The following ROBO2 variants were observed in gnomAD, a reference collection of about 807,000 sequenced individuals.
ROBO2 encodes roundabout guidance receptor 2.
ROBO2 carries 53 observed loss-of-function variants against 160.8 expected under a neutral mutation model. The observed-to-expected ratio is 0.33, with a 90% CI of 0.26 to 0.41. The LOEUF (loss-of-function observed/expected upper bound fraction) is 0.41, where lower values mean the gene tolerates loss of function less well. ROBO2 is among the 10% of genes least tolerant of loss of function. ROBO2 has a pLI of 1.00. For missense variants in ROBO2, 1,577 were observed against 1,722.4 expected (o/e 0.92, Z 1.49); for synonymous variants, 664 against 611.7 (o/e 1.09, Z -1.26).
At chr3:76,313,448 T>C (rs556344666) in intron 2 of ROBO2, among the ~76,000 whole-genome samples, 2 of 152,228 alleles carry the variant, frequency 1.3e-5, no homozygotes, top group East Asian at 3.9e-4. Flanking sequence ...ATTATTTCCC[T>C]TTTCACAATG....
intron 1 of ROBO2, among the ~76,000 whole-genome samples, chr3:75,926,768 G>A (rs959766090): frequency 6.6e-5 from 10 of 152,084 alleles, no homozygotes; most frequent in Non-Finnish European, 4.4e-5. Context: ...TGTCTCCATC[G>A]AACATTTTAA....
intron 2 of ROBO2, among the ~76,000 whole-genome samples, chr3:77,165,572 A>T (rs1412020653): frequency 4.1e-5 from 2 of 48,436 alleles, no homozygotes; most frequent in African/African-American, 6.1e-5. Flanking sequence ...AAAATAAATT[A>T]AAAAAAAAAT....
chr3:77,118,128 C>G (rs2074385275), intron 2 of ROBO2, among the ~76,000 whole-genome samples: 1 of 152,100 alleles, frequency 6.6e-6, no homozygotes, highest in Admixed American at 6.5e-5. Context: ...TCAAAGACTT[C>G]CTGATTTGTC....
chr3:76,931,982 A>G (rs1440921826), intron 2 of ROBO2, among the ~76,000 whole-genome samples: 1 of 152,124 alleles, frequency 6.6e-6, no homozygotes, highest in African/African-American at 2.4e-5. Flanking sequence ...CACCCTGCCA[A>G]ATATTTTAAA....
rs866531525 is a variant in ROBO2, at chr3:77,186,123, G to T, written c.388+87783G>T. The stretch of plus-strand genomic sequence containing the variant: ...GGTGCACCCAAATCTCACCATCACC[G>T]TGAAATAACTTGCTCATGTAACCGA... On this transcript the variant is annotated intron_variant, in intron 2 of 25. Coordinates refer to ENST00000461745, the Ensembl canonical transcript of ROBO2. Among the ~76,000 whole-genome samples, 18 of 151,854 alleles carry T rather than the reference G, an allele frequency of 1.2e-4. 1 individual carries two copies. Among genetic ancestry groups the T allele is most frequent in the Admixed American group, 1.2e-3 (18 of 15,204 alleles).
At chr3:76,023,647 T>A (rs898897523) in intron 2 of ROBO2, among the ~76,000 whole-genome samples, 1 of 151,494 alleles carries the variant, frequency 6.6e-6, no homozygotes, top group Non-Finnish European at 1.5e-5. Flanking sequence ...TGATCACAGA[T>A]AACTATAACT....
intron 2 of ROBO2, among the ~76,000 whole-genome samples, chr3:76,996,693 T>G (rs2061032216): frequency 6.6e-6 from 1 of 152,188 alleles, no homozygotes; most frequent in Admixed American, 6.5e-5. Flanking sequence ...GTCCAGTACA[T>G]TCTTACCAAG....
chr3:76,665,486 A>G (rs1187621843), intron 2 of ROBO2, among the ~76,000 whole-genome samples: 1 of 152,004 alleles, frequency 6.6e-6, no homozygotes, highest in Non-Finnish European at 1.5e-5. Flanking sequence ...CTAAAACTCC[A>G]AAGTCCTAGA....
At chr3:77,635,007 C>T (rs1348434792) in exon 24 of ROBO2, 1 of 1,614,036 alleles carries the variant, frequency 6.2e-7, no homozygotes, top group African/African-American at 1.3e-5. Flanking sequence ...GGACCAACAA[C>T]CAGCATTGCC....
chr3:76,591,966 T>C (rs1039291247), intron 2 of ROBO2, among the ~76,000 whole-genome samples: 7 of 152,088 alleles, frequency 4.6e-5, no homozygotes, highest in African/African-American at 1.4e-4. Flanking sequence ...CACTGTGATA[T>C]TGGGGCTATT....
intron 2 of ROBO2, among the ~76,000 whole-genome samples, chr3:77,321,715 A>G (rs1435405097): frequency 2.0e-5 from 3 of 152,192 alleles, no homozygotes. Context: ...AGCAATGCCA[A>G]GAATGAGCTA....
At chr3:75,934,225 T>C (rs1478746582) in intron 1 of ROBO2, among the ~76,000 whole-genome samples, 2 of 152,226 alleles carry the variant, frequency 1.3e-5, no homozygotes, top group Non-Finnish European at 2.9e-5. Context: ...GTTCACTGCA[T>C]ATCCAATCTG....
chr3:77,212,723 G>A (rs1482286857), intron 2 of ROBO2, among the ~76,000 whole-genome samples: 1 of 152,112 alleles, frequency 6.6e-6, no homozygotes, highest in Non-Finnish European at 1.5e-5. Flanking sequence ...GTCATAAATA[G>A]CTCTTATTAT....
At position 76,207,737 on chromosome 3, in the gene ROBO2, G is replaced by A. The variant is rs140769838; in HGVS notation, c.109+270135G>A. Among the ~76,000 whole-genome samples the A allele has an allele frequency of 1.5e-3, 233 of 152,308 alleles. 1 individual carries two copies. Among genetic ancestry groups the A allele is most frequent in the African/African-American group, 5.4e-3 (224 of 41,574 alleles). On this transcript the variant is annotated intron_variant, in intron 2 of 26. Coordinates refer to the ROBO2 transcript ENST00000487694. ...TAACAGAAGTGTCCGTAGGGATAAT[G>A]TGGATCACAAAGGAGGAAGGAGCGA...
intron 2 of ROBO2, among the ~76,000 whole-genome samples, chr3:75,949,970 A>G (rs1160235657): frequency 2.0e-5 from 3 of 152,034 alleles, no homozygotes; most frequent in African/African-American, 7.2e-5. Context: ...CTGAAAGTAC[A>G]TTAAGTGCCA....
chr3:76,708,038 C>T (rs559513818), intron 2 of ROBO2, among the ~76,000 whole-genome samples: 13 of 152,160 alleles, frequency 8.5e-5, no homozygotes, highest in Admixed American at 7.9e-4. Flanking sequence ...AATGTATGTG[C>T]AAGTAAGCCT....
At chr3:77,321,177 G>C (rs780496463) in intron 2 of ROBO2, among the ~76,000 whole-genome samples, 1 of 152,034 alleles carries the variant, frequency 6.6e-6, no homozygotes, top group Non-Finnish European at 1.5e-5. Flanking sequence ...ATAAAGTATC[G>C]CATAAATTTG....
chr3:77,595,121 C>T lies in ROBO2; in HGVS notation c.2684-21C>T, dbSNP rs766911577. The T allele has an allele frequency of 1.9e-6, 3 of 1,601,554 alleles. No homozygotes were observed. The Admixed American group carries it at 5.0e-5, about 27-fold the overall frequency. On this transcript the variant is annotated intron_variant, in intron 17 of 25. Coordinates refer to ENST00000461745, the Ensembl canonical transcript of ROBO2. ...TTGACTACTTGTGTGTGCATGTCTT[C>T]CTTTTTTTCTTTTTTCATAGTTACG...
At chr3:77,627,418 T>C (rs1488242130) in intron 23 of ROBO2, among the ~76,000 whole-genome samples, 2 of 152,060 alleles carry the variant, frequency 1.3e-5, no homozygotes, top group Admixed American at 6.6e-5. Context: ...TAGCTGGGAT[T>C]GCAGGCTCGG....
Sources: gnomAD v4.1 joint callset for allele counts (sites outside exome capture counted in the v4.1 genomes callset) on GRCh38, gnomAD v4.1.1 for gene constraint, MANE v1.5 for transcripts, NCBI Gene and HGNC (gene_info 2026-07-23, HGNC 2026-07-21) for gene names.